The following TENM3 variants were observed in gnomAD, a reference collection of about 807,000 sequenced individuals.
TENM3 encodes the protein teneurin transmembrane protein 3.
TENM3 carries 63 observed loss-of-function variants against 255.1 expected under a neutral mutation model. That is an observed-to-expected ratio of 0.25 (90% confidence interval 0.20 to 0.30). The LOEUF (loss-of-function observed/expected upper bound fraction) is 0.30. Ranked by LOEUF, TENM3 falls within the 10% of genes least tolerant of loss-of-function variation. The probability of loss-of-function intolerance (pLI) is 1.00; values close to 1 mark genes in which losing one functional copy is unlikely to be tolerated. For synonymous variants in TENM3, 1,306 were observed against 1,322.3 expected, an observed-to-expected ratio of 0.99 and a Z score of 0.27; for missense variants, 2,929 against 3,461.1, an observed-to-expected ratio of 0.85 and a Z score of 3.86.
intron 4 of TENM3, among the ~76,000 whole-genome samples, chr4:182,602,286 A>G (rs1747968223): frequency 6.6e-6 from 1 of 152,216 alleles, no homozygotes; most frequent in Admixed American, 6.5e-5. Context: ...ATCACCATAG[A>G]AAAGCCAGAA....
chr4:182,104,125 C>T, the TENM3 span, among the ~76,000 whole-genome samples: 2 of 152,118 alleles, frequency 1.3e-5, no homozygotes, highest in African/African-American at 4.8e-5. Context: ...CACACCATGA[C>T]CAATTTCAAC....
chr4:181,457,649 A>T, the TENM3 span, among the ~76,000 whole-genome samples: 1 of 151,872 alleles, frequency 6.6e-6, no homozygotes, highest in Non-Finnish European at 1.5e-5. Flanking sequence ...CTCTAGGAAG[A>T]CATGGTAGAT....
At chr4:182,258,794 C>A (rs1758596323) in intron 1 of TENM3, among the ~76,000 whole-genome samples, 1 of 152,050 alleles carries the variant, frequency 6.6e-6, no homozygotes. Context: ...AGAGTAGTAG[C>A]CTGACAAAGA....
chr4:182,633,893 G>A (rs973540609), intron 5 of TENM3, among the ~76,000 whole-genome samples: 1 of 152,142 alleles, frequency 6.6e-6, no homozygotes, highest in African/African-American at 2.4e-5. Flanking sequence ...TTGTTTCAGT[G>A]GCCTTCCAGA....
intron 3 of TENM3, among the ~76,000 whole-genome samples, chr4:182,354,640 T>A (rs1251221582): frequency 6.6e-6 from 1 of 152,234 alleles, no homozygotes; most frequent in Non-Finnish European, 1.5e-5. Flanking sequence ...CATTATTTAC[T>A]GAATGGTTTG....
the TENM3 span, among the ~76,000 whole-genome samples, chr4:181,623,402 G>A: frequency 6.6e-6 from 1 of 152,224 alleles, no homozygotes; most frequent in Non-Finnish European, 1.5e-5. Flanking sequence ...AGGACAGTGT[G>A]AGCAGGTCTA....
chr4:182,197,325 G>A (rs563420519), intron 1 of TENM3, among the ~76,000 whole-genome samples: 254 of 152,262 alleles, frequency 1.7e-3, no homozygotes, highest in African/African-American at 5.9e-3. Flanking sequence ...TGAAAACTAT[G>A]CCACGATAAC....
chr4:181,629,343 G>A, the TENM3 span, among the ~76,000 whole-genome samples: 1 of 152,112 alleles, frequency 6.6e-6, no homozygotes, highest in African/African-American at 2.4e-5. Context: ...TCTCCTGCCT[G>A]ATTGCCCTGG....
chr4:182,542,529 T>TAA (rs1740986966), intron 3 of TENM3, among the ~76,000 whole-genome samples: 2 of 152,198 alleles, frequency 1.3e-5, no homozygotes, highest in African/African-American at 4.8e-5. Context: ...TGTGTCACTT[T>TAA]ATATAGGGTA....
chr4:182,626,741 G>T (rs1053937709), intron 4 of TENM3, among the ~76,000 whole-genome samples: 3 of 152,158 alleles, frequency 2.0e-5, no homozygotes, highest in Non-Finnish European at 2.9e-5. Flanking sequence ...GTAGTTCAGT[G>T]GGGGGAGATG....
chr4:181,993,094 T>C, the TENM3 span, among the ~76,000 whole-genome samples: 4 of 152,164 alleles, frequency 2.6e-5, no homozygotes, highest in African/African-American at 9.6e-5. Context: ...TGTACCGTAT[T>C]TATCCTCTAA....
the TENM3 span, among the ~76,000 whole-genome samples, chr4:181,980,682 A>T: frequency 1.3e-5 from 2 of 152,122 alleles, no homozygotes. Context: ...CATGTATCTA[A>T]TTTCTAATTT....
intron 24 of TENM3, among the ~76,000 whole-genome samples, chr4:182,786,009 C>T (rs1490224392): frequency 6.6e-6 from 1 of 152,198 alleles, no homozygotes; most frequent in Non-Finnish European, 1.5e-5. Context: ...TGGTTAAAGC[C>T]TTGGCTTGTG....
intron 1 of TENM3, among the ~76,000 whole-genome samples, chr4:182,247,835 A>G (rs896455715): frequency 4.6e-5 from 7 of 152,192 alleles, no homozygotes; most frequent in African/African-American, 1.7e-4. Context: ...AAGAACTGTG[A>G]ACATTGGTGA....
chr4:182,234,447 ACAC>A (rs1334906693), intron 1 of TENM3, among the ~76,000 whole-genome samples: 2 of 152,174 alleles, frequency 1.3e-5, no homozygotes, highest in African/African-American at 4.8e-5. Context: ...TAGAAATAAA[ACAC>A]AGCCCTGTGC....
intron 3 of TENM3, among the ~76,000 whole-genome samples, chr4:182,497,167 C>CCT (rs1735855496): frequency 6.6e-6 from 1 of 151,984 alleles, no homozygotes; most frequent in African/African-American, 2.4e-5. Flanking sequence ...GATTCCCCTG[C>CCT]CTCAGCCTCC....
At chr4:182,483,426 G>A (rs112487199) in intron 3 of TENM3, among the ~76,000 whole-genome samples, 1 of 152,124 alleles carries the variant, frequency 6.6e-6, no homozygotes, top group African/African-American at 2.4e-5. Flanking sequence ...TAATGTAAGA[G>A]CCTAAAGGAT....
chr4:182,058,329 T>C, the TENM3 span, among the ~76,000 whole-genome samples: 11 of 152,154 alleles, frequency 7.2e-5, no homozygotes, highest in East Asian at 1.9e-3. Flanking sequence ...ATCCTAGCTA[T>C]GTCTCTGGTG....
intron 3 of TENM3, among the ~76,000 whole-genome samples, chr4:182,488,747 T>C (rs1734993856): frequency 6.6e-6 from 1 of 152,094 alleles, no homozygotes. Flanking sequence ...TCATTTTAGT[T>C]GAGGGATCTA....
Sources: gnomAD v4.1 joint callset for allele counts (sites outside exome capture counted in the v4.1 genomes callset) on GRCh38, gnomAD v4.1.1 for gene constraint, MANE v1.5 for transcripts, NCBI Gene and HGNC (gene_info 2026-07-23, HGNC 2026-07-21) for gene names.